Variants in MLXIPL observed in about 807,000 individuals in gnomAD.
The protein encoded by MLXIPL is MLX interacting protein like.
A neutral mutation model predicts 81.5 loss-of-function variants in MLXIPL; 49 were observed. The observed-to-expected ratio is 0.60, with a 90% CI of 0.48 to 0.76. The LOEUF is 0.76. Ranked by LOEUF, MLXIPL falls within the 30% of genes least tolerant of loss-of-function variation. The pLI is 0.00. For missense variants in MLXIPL, 1,053 were observed against 1,167.0 expected (o/e 0.90, Z 1.42); for synonymous variants, 466 against 485.5 (o/e 0.96, Z 0.53).
chr7:73,628,547 G>A (rs1280377963), upstream of MLXIPL, among the ~76,000 whole-genome samples: 1 of 152,120 alleles, frequency 6.6e-6, no homozygotes, highest in Non-Finnish European at 1.5e-5. Context: ...CCAGCCTGGA[G>A]TGCAGTGGCA....
chr7:73,596,024 C>T lies in MLXIPL; in HGVS notation c.2059-55G>A, dbSNP rs1014756863. 5 of 1,607,454 alleles carry T rather than the reference C, an allele frequency of 3.1e-6. No homozygotes were observed. The highest frequency in any genetic ancestry group is 4.2e-6 in the Non-Finnish European group (5 of 1,178,900). ...GGTGCTAGAGGCTGTACCCTGGGAC[C>T]CACTGAGGCACTGGGATGGGAGGAG... On this transcript the variant is annotated intron_variant, in intron 13 of 16. Coordinates refer to ENST00000313375, the MANE Select transcript of MLXIPL (RefSeq NM_032951.3). This position sits in a 1 kb window ranked among gnomAD's most constrained non-coding sequence, Gnocchi z 4.7.
intron 7 of MLXIPL, among the ~76,000 whole-genome samples, chr7:73,603,714 G>C (rs529166469): frequency 6.6e-6 from 1 of 152,308 alleles, no homozygotes; most frequent in African/African-American, 2.4e-5. Flanking sequence ...ACATAGCTCC[G>C]GGGGTCCCTA....
chr7:73,636,241 C>T, the MLXIPL span, among the ~76,000 whole-genome samples: 4 of 152,040 alleles, frequency 2.6e-5, no homozygotes, highest in African/African-American at 9.7e-5. Context: ...GAAACCCCAT[C>T]TCTACTAAAA....
chr7:73,607,306 G>A, intron 4 of MLXIPL, 25 bp downstream of exon 4: 1 of 1,549,010 alleles, frequency 6.5e-7, no homozygotes, highest in Non-Finnish European at 8.7e-7. Flanking sequence ...AAGCTCTGGG[G>A]CCTCCCTGGC....
intron 9 of MLXIPL, 102 bp from the exon 10 acceptor site, chr7:73,597,034 A>G: frequency 3.4e-6 from 5 of 1,464,656 alleles, no homozygotes; most frequent in Non-Finnish European, 4.7e-6. Flanking sequence ...CCTTTTAGGT[A>G]CAGGCCCCAC....
the MLXIPL span, among the ~76,000 whole-genome samples, chr7:73,644,952 G>C: frequency 6.6e-6 from 1 of 152,210 alleles, no homozygotes; most frequent in Non-Finnish European, 1.5e-5. Flanking sequence ...ACTGCTAATG[G>C]GGCTGAATAT....
chr7:73,604,215 C>CAAAAAAAA (rs55693159), intron 7 of MLXIPL, among the ~76,000 whole-genome samples: 1 of 50,000 alleles, frequency 2.0e-5, no homozygotes, highest in Non-Finnish European at 3.3e-5. Flanking sequence ...GACTCCGTCT[C>CAAAAAAAA]AAAAAAAAAA....
chr7:73,612,295 C>T lies in MLXIPL; in HGVS notation c.400+3776G>A, dbSNP rs529565273. ...GCAGTGAGCTATGTTGGCTCCACTG[C>T]ACTCCAGCCTGGGTGATGAAGTGAG... On this transcript the variant is annotated intron_variant, in intron 2 of 16. Coordinates refer to ENST00000313375, the MANE Select transcript of MLXIPL (RefSeq NM_032951.3). 3.3e-5 allele frequency among the ~76,000 whole-genome samples: 5 copies of T among 151,930 alleles called. No homozygotes were observed. The East Asian group carries it at 9.7e-4, about 29-fold the overall frequency.
At position 73,596,382 on chromosome 7, in the gene MLXIPL, G is replaced by A; in HGVS notation, c.1920C>T (p.Gly640=). ...TGCCCACCTTGTTGCTGTCTGGACGGCCCCGGCTGAGGATGGGTTGCGGGG... is the reference window on the plus strand; with the variant it reads ...TGCCCACCTTGTTGCTGTCTGGACGACCCCGGCTGAGGATGGGTTGCGGGG... ...VSPPQPILSR[G]RPDSNKTENR... Residue 640 remains glycine, a synonymous_variant, in exon 12 of 17, where the codon GGC becomes GGT. Coordinates refer to ENST00000313375, the MANE Select transcript of MLXIPL (RefSeq NM_032951.3). This position sits in a 1 kb window ranked among gnomAD's most constrained non-coding sequence, Gnocchi z 4.7. The A allele has an allele frequency of 6.2e-7, 1 of 1,612,786 alleles. No individual in the cohort carries two copies. The highest frequency in any genetic ancestry group is 1.1e-5 in the South Asian group (1 of 91,042).
At chr7:73,624,546 C>A, upstream of MLXIPL, 2 of 1,478,154 alleles carry the variant, frequency 1.4e-6, no homozygotes, top group South Asian at 1.3e-5. Flanking sequence ...CGGGGAACAG[C>A]TCTTGGCCAG....
At chr7:73,645,137 C>T in the MLXIPL span, among the ~76,000 whole-genome samples, 1 of 152,102 alleles carries the variant, frequency 6.6e-6, no homozygotes, top group African/African-American at 2.4e-5. Flanking sequence ...AGTGATCGTC[C>T]TGTGTCAGCC....
In MLXIPL at chr7:73,613,116, A is replaced by C. The variant is rs556375077; in HGVS notation, c.400+2955T>G. ...CAGAGCCCTTCCTGCTTGAGCCCTA[A>C]GGCCCGACATTAGTGGCGTCAAGCC... On this transcript the variant is annotated intron_variant, in intron 2 of 16. Transcript: ENST00000313375. Among the ~76,000 whole-genome samples the C allele has an allele frequency of 2.0e-5, 3 of 152,284 alleles. No homozygotes were observed. In the East Asian group the frequency reaches 5.8e-4, roughly 30 times the overall value.
intron 2 of MLXIPL, among the ~76,000 whole-genome samples, chr7:73,615,866 T>C (rs1554600622): frequency 7.1e-6 from 1 of 139,978 alleles, no homozygotes; most frequent in Admixed American, 8.1e-5. Context: ...TGAGCCGAGA[T>C]GGCACCACTG....
At chr7:73,638,993 G>A in the MLXIPL span, among the ~76,000 whole-genome samples, 1 of 151,968 alleles carries the variant, frequency 6.6e-6, no homozygotes, top group Non-Finnish European at 1.5e-5. Flanking sequence ...AAAAATAGTA[G>A]AGAGGAGAAA....
chr7:73,599,310 T>C (rs1554595288), intron 8 of MLXIPL, among the ~76,000 whole-genome samples: 1 of 151,638 alleles, frequency 6.6e-6, no homozygotes, highest in Non-Finnish European at 1.5e-5. Flanking sequence ...GCCCATTCCA[T>C]GGTCTCCATG....
the MLXIPL span, among the ~76,000 whole-genome samples, chr7:73,641,986 T>G: frequency 1.3e-5 from 2 of 152,150 alleles, no homozygotes; most frequent in Non-Finnish European, 2.9e-5. Flanking sequence ...AGTTATGGGC[T>G]TATTCCCACA....
chr7:73,606,749 T>G lies in MLXIPL; in HGVS notation c.618+225A>C, dbSNP rs1185269059. ...CCTGGTCCCTCTGTTCTCCCATGCC[T>G]CCCACCACTTGCTCAATGACCTGGG... On this transcript the variant is annotated intron_variant, in intron 5 of 16. Coordinates refer to ENST00000313375, the MANE Select transcript of MLXIPL (RefSeq NM_032951.3). 2.7e-5 allele frequency: 15 copies of G among 562,944 alleles called. No individual in the cohort carries two copies. The African/African-American group carries it at 2.8e-4, about 11-fold the overall frequency. 34.9% of individuals were successfully genotyped at this position (562,944 alleles called of 1,614,324 possible).
chr7:73,617,530 C>T (rs568407867), intron 1 of MLXIPL, among the ~76,000 whole-genome samples: 1 of 152,244 alleles, frequency 6.6e-6, no homozygotes, highest in South Asian at 2.1e-4. Flanking sequence ...CACCCTCACT[C>T]TAACCCTAGC....
chr7:73,606,405 TTG>T, intron 5 of MLXIPL: 7 of 501,334 alleles, frequency 1.4e-5, no homozygotes, highest in Admixed American at 3.8e-5. Context: ...GTTTTTTTTT[TTG>T]TTTGTTTTCT....
Sources: gnomAD v4.1 joint callset for allele counts (sites outside exome capture counted in the v4.1 genomes callset) on GRCh38, gnomAD v4.1.1 for gene constraint, Gnocchi (gnomAD v3.1) non-coding constraint, MANE v1.5 for transcripts, NCBI Gene and HGNC (gene_info 2026-07-23, HGNC 2026-07-21) for gene names.